The following KMT2B variants were observed in gnomAD, a reference collection of about 807,000 sequenced individuals.
KMT2B encodes histone-lysine N-methyltransferase 2B.
In KMT2B, 22 loss-of-function variants were observed where a neutral mutation model predicts 255.3. The observed-to-expected ratio is 0.09, with a 90% CI of 0.06 to 0.12. The LOEUF (loss-of-function observed/expected upper bound fraction) is 0.12. KMT2B is among the 10% of genes least tolerant of loss of function. The probability of loss-of-function intolerance (pLI) is 1.00; values close to 1 mark genes in which losing one functional copy is unlikely to be tolerated. For missense variants in KMT2B, 3,149 were observed against 3,737.0 expected, an observed-to-expected ratio of 0.84 and a Z score of 4.10; for synonymous variants, 1,730 against 1,498.1, an observed-to-expected ratio of 1.15 and a Z score of -3.57.
chr19:35,725,478 G>T lies in KMT2B; in HGVS notation c.3643-1G>T. 1 of 1,610,602 alleles carries T rather than the reference G, an allele frequency of 6.2e-7. No individual in the cohort carries two copies. ...CATTCACTCCTTTACCCTGTCCCCA[G>T]CTGGTGTTCTGTCAAGTCTGCTGTG... On this transcript the variant is annotated splice_acceptor_variant, in intron 11 of 36. Coordinates refer to ENST00000420124, the MANE Select transcript of KMT2B (RefSeq NM_014727.3). LOFTEE classifies it high-confidence loss of function. The surrounding 1 kb of genome is among the most constrained non-coding windows in gnomAD (Gnocchi z 4.1).
At chr19:35,722,210 G>T in intron 3 of KMT2B, 149 bp from the exon 4 acceptor site, 1 of 781,578 alleles carries the variant, frequency 1.3e-6, no homozygotes, top group Non-Finnish European at 2.0e-6. Flanking sequence ...TCACCACATT[G>T]GCTAGGCTGG....
rs775158252 is a variant in KMT2B at position 35,732,785 on chromosome 19, G to A, written c.6236G>A (p.Arg2079Gln). The change falls in exon 28 of 37, where the codon CGG becomes CAG. Residue 2079 changes from arginine to glutamine, a missense_variant. By Grantham distance (43) the Arg-to-Gln change is conservative. Transcript: ENST00000420124. ...DSEAEAVQQP[R>Q]GQGTPPSGPG... ...GAGGCTGAGGCGGTGCAGCAGCCTCGGGGCCAGGGCACGCCTCCTTCGGGG... is the reference window on the plus strand; with the variant it reads ...GAGGCTGAGGCGGTGCAGCAGCCTCAGGGCCAGGGCACGCCTCCTTCGGGG... 5.6e-6 allele frequency: 9 copies of A among 1,607,328 alleles called. No homozygotes were observed. Among genetic ancestry groups the A allele is most frequent in the African/African-American group, 1.3e-5 (1 of 74,856 alleles).
Position 35,730,142 on chromosome 19 carries a change from G to A in KMT2B, c.5076+17G>A. The A allele has an allele frequency of 1.9e-6, 3 of 1,613,342 alleles. No homozygotes were observed. The highest frequency in any genetic ancestry group is 2.5e-6 in the Non-Finnish European group (3 of 1,179,584). On this transcript the variant is annotated intron_variant, in intron 23 of 36. Coordinates refer to ENST00000420124, the MANE Select transcript of KMT2B (RefSeq NM_014727.3). The stretch of plus-strand genomic sequence containing the variant: ...GATGGCAAGGTGGGCCAGAACTGTG[G>A]GGTACACGGTTCCTTCCCCACCTCT...
Position 35,727,383 on chromosome 19 carries a change from G to A in KMT2B, c.4118-55G>A, listed in dbSNP as rs1304572300. 23 of 1,598,852 alleles carry A rather than the reference G, an allele frequency of 1.4e-5. No homozygotes were observed. The East Asian group carries it at 4.9e-4, about 34-fold the overall frequency. On this transcript the variant is annotated intron_variant, in intron 15 of 36. Transcript: ENST00000420124. The surrounding 1 kb of genome is among the most constrained non-coding windows in gnomAD (Gnocchi z 4.2). ...GGTCCTTGCTGGCCTAGGGGCTGCT[G>A]GGAGCCCTCACATCCTCTGAAACCA...
chr19:35,721,490 G>T lies in KMT2B; in HGVS notation c.2143G>T (p.Val715Phe). 2.5e-6 allele frequency: 4 copies of T among 1,612,586 alleles called. No homozygotes were observed. Among genetic ancestry groups the T allele is most frequent in the Non-Finnish European group, 3.4e-6 (4 of 1,179,846 alleles). The change falls in exon 3 of 37, where the codon GTT (valine) becomes TTT (phenylalanine). Residue 715 changes from valine to phenylalanine, a missense_variant. Transcript: ENST00000420124. ...ATTCGCCCCTGTGGTCACCACTCCT[G>T]TTAAGGCCGAGGTGTCCCCTCACGG... ...PRFAPVVTTP[V>F]KAEVSPHGAP...
Position 35,733,715 on chromosome 19 carries a change from G to T in KMT2B, c.7049+29G>T, listed in dbSNP as rs745589538. The T allele has an allele frequency of 6.2e-6, 10 of 1,607,502 alleles. No individual in the cohort carries two copies. In the Admixed American group the frequency reaches 1.5e-4, roughly 25 times the overall value. On this transcript the variant is annotated intron_variant, in intron 29 of 36. Transcript: ENST00000420124. This position sits in a 1 kb window ranked among gnomAD's most constrained non-coding sequence, Gnocchi z 4.3. ...AGTGGCCAGGCCCCTCTCCCTGGAG[G>T]GTCTGGGACCTCTGTCCTTCCCCTT...
chr19:35,732,037 C>A lies in KMT2B; in HGVS notation c.5567C>A (p.Ala1856Asp). The A allele has an allele frequency of 6.2e-7, 1 of 1,612,884 alleles. No individual in the cohort carries two copies. The highest frequency in any genetic ancestry group is 1.1e-5 in the South Asian group (1 of 90,874). The change falls in exon 27 of 37, where the codon GCC (alanine) becomes GAC (aspartate). Residue 1856 changes from alanine to aspartate, a missense_variant. By Grantham distance (126) the Ala-to-Asp change is moderately radical. Coordinates refer to ENST00000420124, the MANE Select transcript of KMT2B (RefSeq NM_014727.3). ...GATTCAGGCAGCGCCCCTCCTCCAG[C>A]CCCCCGTTCTTTTTCGGGGGCTCGA... ...RPDSGSAPPP[A>D]PRSFSGARIK...
rs768632549 is a variant in KMT2B at position 35,730,547 on chromosome 19, G to A, written c.5207G>A (p.Arg1736His). The change falls in exon 25 of 37, where the codon CGC becomes CAC. Residue 1736 changes from arginine to histidine, a missense_variant. By Grantham distance (29) the Arg-to-His change is conservative. Coordinates refer to ENST00000420124, the MANE Select transcript of KMT2B (RefSeq NM_014727.3). ...DAINVLIGSI[R>H]IDSLGTLSDL... is the part of the protein sequence containing the mutation. ...CCGCTTTGCACCACAGGTTCCATCCGCATTGACTCCCTGGGTACTCTGTCT... is the reference window on the plus strand; with the variant it reads ...CCGCTTTGCACCACAGGTTCCATCCACATTGACTCCCTGGGTACTCTGTCT... 35 of 1,613,830 alleles carry A rather than the reference G, an allele frequency of 2.2e-5. No individual in the cohort carries two copies. Among genetic ancestry groups the A allele is most frequent in the East Asian group, 6.7e-5 (3 of 44,896 alleles).
At chr19:35,728,021 G>A in intron 18 of KMT2B, 36 bp downstream of exon 18, 1 of 1,547,424 alleles carries the variant, frequency 6.5e-7, no homozygotes, top group Non-Finnish European at 8.8e-7. Flanking sequence ...GGGTGGGGGA[G>A]TGGGACCTTC....
At position 35,737,189 on chromosome 19, in the gene KMT2B, CCA is replaced by C; in HGVS notation, c.7478_7479del (p.His2493ProfsTer29). On this transcript the variant is annotated frameshift_variant, in exon 33 of 37. Coordinates refer to ENST00000420124, the MANE Select transcript of KMT2B (RefSeq NM_014727.3). LOFTEE classifies it high-confidence loss of function. The surrounding 1 kb of genome is among the most constrained non-coding windows in gnomAD (Gnocchi z 5.3). ...GTTGCCAGCACTATAAGTTCCGTTACCACCAGCAGGGAGAGGGCCAGGAGGAG... is the reference window on the plus strand; with the variant it reads ...GTTGCCAGCACTATAAGTTCCGTTACCCAGCAGGGAGAGGGCCAGGAGGAG... ...QRCQHYKFRY[H>X]QQGEGQEEPP... is the part of the protein sequence containing the mutation. 6.2e-7 allele frequency: 1 copy of C among 1,600,426 alleles called. No individual in the cohort carries two copies. The highest frequency in any genetic ancestry group is 8.5e-7 in the Non-Finnish European group (1 of 1,173,744).
chr19:35,733,567 G>C lies in KMT2B; in HGVS notation c.6960-30G>C. On this transcript the variant is annotated intron_variant, in intron 28 of 36. Transcript: ENST00000420124. This position sits in a 1 kb window ranked among gnomAD's most constrained non-coding sequence, Gnocchi z 4.3. ...AAGGGGGCAGATGGGCGGGAGATGCGGCTCATCCTTCTCGGGCTCGCCCTC... is the reference window on the plus strand; with the variant it reads ...AAGGGGGCAGATGGGCGGGAGATGCCGCTCATCCTTCTCGGGCTCGCCCTC... 6.4e-7 allele frequency: 1 copy of C among 1,558,774 alleles called. No individual in the cohort carries two copies. The highest frequency in any genetic ancestry group is 8.7e-7 in the Non-Finnish European group (1 of 1,151,380).
Position 35,732,260 on chromosome 19 carries a change from C to T in KMT2B, c.5711C>T (p.Pro1904Leu), listed in dbSNP as rs777489488. ...LTHHIPTVGDPDFPAPPRRSR... is the reference protein window; with the variant it reads ...LTHHIPTVGDLDFPAPPRRSR... ...CACCACATCCCCACAGTGGGAGACC[C>T]GGACTTCCCAGCTCCCCCCAGACGT... The change falls in exon 28 of 37, where the codon CCG becomes CTG. Residue 1904 changes from proline (P) to leucine (L), a missense_variant. Transcript: ENST00000420124. 24 of 1,606,902 alleles carry T rather than the reference C, an allele frequency of 1.5e-5. No homozygotes were observed. Among genetic ancestry groups the T allele is most frequent in the Admixed American group, 5.0e-5 (3 of 59,514 alleles).
chr19:35,719,625 CCT>C (rs920531472), intron 2 of KMT2B, 84 bp downstream of exon 2: 3 of 1,507,310 alleles, frequency 2.0e-6, no homozygotes, highest in African/African-American at 2.8e-5. Context: ...GTTCAACTAG[CCT>C]CTGTCAGTTG....
In KMT2B at chr19:35,720,489, A is replaced by T; in HGVS notation, c.1142A>T (p.Lys381Met). The T allele has an allele frequency of 6.4e-7, 1 of 1,551,618 alleles. No individual in the cohort carries two copies. Residue 381 changes from lysine to methionine, a missense_variant, in exon 3 of 37, where the codon AAG becomes ATG. Coordinates refer to ENST00000420124, the MANE Select transcript of KMT2B (RefSeq NM_014727.3). ...EEEKDKEGEE[K>M]EERAVAEEMM... ...GAAAAAGACAAGGAGGGAGAAGAGA[A>T]GGAAGAAAGAGCTGTAGCTGAGGAG...
chr19:35,725,318 C>T lies in KMT2B; in HGVS notation c.3627C>T (p.Ser1209=), dbSNP rs771887779. Residue 1209 remains serine (S), a synonymous_variant, in exon 11 of 37, where the codon AGC becomes AGT. Transcript: ENST00000420124. The surrounding 1 kb of genome is among the most constrained non-coding windows in gnomAD (Gnocchi z 4.1). ...GPPMVCLLCA[S]KGLHELVFCQ... is the part of the protein sequence containing the mutation. Reference sequence around the variant, plus strand: ...CGATGGTGTGCTTGCTGTGTGCCAGCAAAGGACTCCACGAGGTTAGATCTC... The same window carrying T: ...CGATGGTGTGCTTGCTGTGTGCCAGTAAAGGACTCCACGAGGTTAGATCTC... 2.6e-6 allele frequency: 4 copies of T among 1,565,634 alleles called. No homozygotes were observed. Among genetic ancestry groups the T allele is most frequent in the Non-Finnish European group, 3.5e-6 (4 of 1,155,850 alleles).
Position 35,733,461 on chromosome 19 carries a change from A to G in KMT2B, c.6912A>G (p.Gly2304=). 3 of 1,562,012 alleles carry G rather than the reference A, an allele frequency of 1.9e-6. No individual in the cohort carries two copies. Among genetic ancestry groups the G allele is most frequent in the Non-Finnish European group, 1.7e-6 (2 of 1,153,440 alleles). The stretch of plus-strand genomic sequence containing the variant: ...AAGCCCCCCGGCTGGATGAAGATGG[A>G]GAGGCCTCAGAGGATACCCCTCAGG... The part of the protein sequence containing the change: ...PYKAPRLDED[G]EASEDTPQVP... The change falls in exon 28 of 37, where the codon GGA becomes GGG. Residue 2304 remains glycine, a synonymous_variant. Coordinates refer to ENST00000420124, the MANE Select transcript of KMT2B (RefSeq NM_014727.3). The surrounding 1 kb of genome is among the most constrained non-coding windows in gnomAD (Gnocchi z 4.3).
rs769042062 is a variant in KMT2B at position 35,722,631 on chromosome 19, C to T, written c.2635C>T (p.Leu879=). ...KHVCRHAAVA[L]GQARAMVPED... ...TGTCTGCCGTCATGCTGCTGTGGCCCTGGGTCAGGCCCGGGCCATGGTGCC... is the reference window on the plus strand; with the variant it reads ...TGTCTGCCGTCATGCTGCTGTGGCCTTGGGTCAGGCCCGGGCCATGGTGCC... Residue 879 remains leucine (L), a synonymous_variant, in exon 5 of 37, where the codon CTG becomes TTG. Coordinates refer to ENST00000420124, the MANE Select transcript of KMT2B (RefSeq NM_014727.3). 3.1e-6 allele frequency: 5 copies of T among 1,612,660 alleles called. No homozygotes were observed. The Admixed American group carries it at 5.0e-5, about 16-fold the overall frequency.
Position 35,728,087 on chromosome 19 carries a change from C to A in KMT2B, c.4498-11C>A, listed in dbSNP as rs1259547158. On this transcript the variant is annotated splice_polypyrimidine_tract_variant and intron_variant, in intron 18 of 36. Coordinates refer to ENST00000420124, the MANE Select transcript of KMT2B (RefSeq NM_014727.3). ...AGCTGGCTCTTCTCATCCTGTTAACCCACTCCCCAGCTGCTAGAATCTGCG... is the reference window on the plus strand; with the variant it reads ...AGCTGGCTCTTCTCATCCTGTTAACACACTCCCCAGCTGCTAGAATCTGCG... The A allele has an allele frequency of 1.3e-5, 21 of 1,591,236 alleles. No homozygotes were observed. The highest frequency in any genetic ancestry group is 1.8e-5 in the Non-Finnish European group (21 of 1,169,326).
At position 35,725,687 on chromosome 19, in the gene KMT2B, A is replaced by G. The variant is rs1969406345; in HGVS notation, c.3790-36A>G. On this transcript the variant is annotated intron_variant, in intron 12 of 36. Coordinates refer to ENST00000420124, the MANE Select transcript of KMT2B (RefSeq NM_014727.3). The surrounding 1 kb of genome is among the most constrained non-coding windows in gnomAD (Gnocchi z 4.1). ...CTGAAGGTGAGGGCATCCCTGTGCC[A>G]GCAGGTTTCGCCATCTCTGTCTCCA... The G allele has an allele frequency of 6.2e-7, 1 of 1,613,054 alleles. No homozygotes were observed. Among genetic ancestry groups the G allele is most frequent in the African/African-American group, 1.3e-5 (1 of 74,946 alleles).
Sources: gnomAD v4.1 joint callset for allele counts on GRCh38, gnomAD v4.1.1 for gene constraint, Gnocchi (gnomAD v3.1) non-coding constraint, MANE v1.5 for transcripts, NCBI Gene and HGNC (gene_info 2026-07-23, HGNC 2026-07-21) for gene names.